CCDC63: variants seen among roughly 807,000 people sequenced by gnomAD.
CCDC63 encodes coiled-coil domain-containing protein 63.
CCDC63 carries 54 observed loss-of-function variants against 63.6 expected under a neutral mutation model. The observed-to-expected ratio is 0.85, with a 90% CI of 0.68 to 1.07. The LOEUF is 1.07. Ranked by LOEUF, CCDC63 falls within the 50% of genes least tolerant of loss-of-function variation. CCDC63 has a pLI of 0.00. For synonymous variants in CCDC63, 253 were observed against 266.1 expected (o/e 0.95, Z 0.48); for missense variants, 637 against 689.6 (o/e 0.92, Z 0.86).
At chr12:110,867,381 C>T (rs61940981) in intron 4 of CCDC63, among the ~76,000 whole-genome samples, 278 of 116,418 alleles carry the variant, frequency 2.4e-3, no homozygotes, top group Non-Finnish European at 2.4e-3. Context: ...CCGGACAGGG[C>T]GGCTGGCCGG....
At chr12:110,904,907 T>A in intron 11 of CCDC63, 116 bp downstream of exon 11, 1 of 768,606 alleles carries the variant, frequency 1.3e-6, no homozygotes, top group Non-Finnish European at 2.0e-6. Flanking sequence ...CGGTTTCCTC[T>A]CTTTATGAGC....
intron 1 of CCDC63, 92 bp from the exon 2 acceptor site, chr12:110,852,767 G>T (rs936418537): frequency 1.3e-5 from 10 of 773,346 alleles, no homozygotes; most frequent in Admixed American, 1.2e-4. Context: ...GGTGGAGGAA[G>T]GGATGGCAGG....
At chr12:110,867,698 G>A (rs1412133668) in intron 4 of CCDC63, among the ~76,000 whole-genome samples, 3 of 114,496 alleles carry the variant, frequency 2.6e-5, no homozygotes, top group African/African-American at 1.1e-4. Context: ...TGGCCGGGCG[G>A]AGGGCTGACC....
chr12:110,863,968 A>T (rs896354417), intron 4 of CCDC63, among the ~76,000 whole-genome samples: 2 of 152,282 alleles, frequency 1.3e-5, no homozygotes. Context: ...AGCTTCTGCC[A>T]TAGCCACATT....
At chr12:110,849,687 C>A (rs531372549) in intron 1 of CCDC63, among the ~76,000 whole-genome samples, 1 of 151,866 alleles carries the variant, frequency 6.6e-6, no homozygotes, top group Non-Finnish European at 1.5e-5. Flanking sequence ...TTAGTAGAGA[C>A]GGGGTTTCAC....
At chr12:110,872,784 CCTGA>C (rs1347159136) in intron 4 of CCDC63, among the ~76,000 whole-genome samples, 1 of 152,114 alleles carries the variant, frequency 6.6e-6, no homozygotes, top group Middle Eastern at 3.2e-3. Context: ...TGCCACCAAG[CCTGA>C]CTATTTTTAG....
At chr12:110,897,134 A>G (rs2071424450) in intron 9 of CCDC63, among the ~76,000 whole-genome samples, 1 of 152,164 alleles carries the variant, frequency 6.6e-6, no homozygotes, top group Non-Finnish European at 1.5e-5. Flanking sequence ...AGAACACATA[A>G]TAAAAATATT....
chr12:110,864,271 G>A (rs2070905770), intron 4 of CCDC63, among the ~76,000 whole-genome samples: 1 of 152,158 alleles, frequency 6.6e-6, no homozygotes, highest in Non-Finnish European at 1.5e-5. Context: ...TTAGTCCGTG[G>A]AGCTTAAAAT....
chr12:110,862,768 C>CT, intron 4 of CCDC63, among the ~76,000 whole-genome samples: 1 of 140,722 alleles, frequency 7.1e-6, no homozygotes, highest in South Asian at 2.3e-4. Context: ...TTTTTTTTTT[C>CT]TTTTTTTGAG....
chr12:110,868,111 C>T (rs1284142333), intron 4 of CCDC63, among the ~76,000 whole-genome samples: 8 of 147,954 alleles, frequency 5.4e-5, no homozygotes, highest in Non-Finnish European at 8.9e-5. Context: ...GGGGCAGAGG[C>T]GCTCCCCACA....
chr12:110,865,476 A>G (rs1248579825), intron 4 of CCDC63, among the ~76,000 whole-genome samples: 1 of 151,516 alleles, frequency 6.6e-6, no homozygotes, highest in Admixed American at 6.6e-5. Context: ...AAAAAAAAAA[A>G]AAAAAAGAAA....
intron 4 of CCDC63, among the ~76,000 whole-genome samples, chr12:110,867,648 G>A (rs1249502291): frequency 2.4e-5 from 3 of 125,760 alleles, no homozygotes; most frequent in Non-Finnish European, 3.5e-5. Context: ...CAGTAGGGGC[G>A]GCCGGGCAGA....
intron 4 of CCDC63, among the ~76,000 whole-genome samples, 177 bp from the exon 5 acceptor site, chr12:110,873,665 C>T (rs2071093618): frequency 6.6e-6 from 1 of 152,066 alleles, no homozygotes; most frequent in South Asian, 2.1e-4. Flanking sequence ...GTTAAAATTC[C>T]ATTTATAGGA....
chr12:110,907,165 G>T lies in CCDC63; in HGVS notation c.1547-166G>T, dbSNP rs554665252. On this transcript the variant is annotated intron_variant, in intron 11 of 11. Transcript: ENST00000308208. This position sits in a 1 kb window ranked among gnomAD's most constrained non-coding sequence, Gnocchi z 4.4. ...TTGTCTGGGAGAAAAACTAGTCATTGTCTGGGCAGCCCCAAGAAGTATATT... is the reference window on the plus strand; with the variant it reads ...TTGTCTGGGAGAAAAACTAGTCATTTTCTGGGCAGCCCCAAGAAGTATATT... Among the ~76,000 whole-genome samples, 1 of 152,324 alleles carries T rather than the reference G, an allele frequency of 6.6e-6. No homozygotes were observed. Among genetic ancestry groups the T allele is most frequent in the Non-Finnish European group, 1.5e-5 (1 of 68,040 alleles).
chr12:110,857,214 C>T (rs1016768770), intron 3 of CCDC63, among the ~76,000 whole-genome samples: 2 of 151,976 alleles, frequency 1.3e-5, no homozygotes, highest in African/African-American at 4.8e-5. Context: ...GCAACCTCCG[C>T]CTCCCGGGTT....
rs188364798 is a variant in CCDC63 at position 110,899,706 on chromosome 12, T to A, written c.1342+581T>A. ...TAATGCCTTCTTTTTTTTTTTTTTT[T>A]AAATTGGTGTGAACCCAGTATCTAC... On this transcript the variant is annotated intron_variant, in intron 10 of 11. Transcript: ENST00000308208. Among the ~76,000 whole-genome samples the A allele has an allele frequency of 8.2e-4, 123 of 149,828 alleles. 1 individual carries two copies. Among genetic ancestry groups the A allele is most frequent in the Non-Finnish European group, 1.3e-3 (90 of 67,238 alleles).
chr12:110,858,441 G>T, intron 3 of CCDC63, 145 bp from the exon 4 acceptor site: 1 of 628,196 alleles, frequency 1.6e-6, no homozygotes. Flanking sequence ...ACCTGGATCT[G>T]AGACCATGGA....
chr12:110,901,811 CTCCT>C (rs1200626256), intron 10 of CCDC63, among the ~76,000 whole-genome samples: 4 of 150,934 alleles, frequency 2.7e-5, no homozygotes, highest in Admixed American at 6.6e-5. Flanking sequence ...CATTTTCTTT[CTCCT>C]TCCTTCCTTC....
intron 3 of CCDC63, among the ~76,000 whole-genome samples, chr12:110,856,087 C>CTT (rs540538418): frequency 1.9e-4 from 25 of 130,366 alleles, no homozygotes; most frequent in Non-Finnish European, 2.5e-4. Flanking sequence ...TTTTTTTTTT[C>CTT]TTTTTTTTTT....
Sources: allele counts gnomAD v4.1 joint callset (sites outside exome capture counted in the v4.1 genomes callset), GRCh38; gene constraint gnomAD v4.1.1; non-coding constraint Gnocchi (gnomAD v3.1); transcripts MANE v1.5; gene names NCBI Gene and HGNC (gene_info 2026-07-23, HGNC 2026-07-21).